Variants in NALCN observed in about 807,000 individuals in gnomAD.
NALCN encodes the protein sodium leak channel NALCN.
A neutral mutation model predicts 225.3 loss-of-function variants in NALCN; 111 were observed. That is an observed-to-expected ratio of 0.49 (90% CI 0.42 to 0.58). NALCN has a LOEUF of 0.58. NALCN is among the 20% of genes least tolerant of loss of function. NALCN has a pLI of 0.00. For synonymous variants in NALCN, 764 were observed against 769.0 expected (o/e 0.99, Z 0.11); for missense variants, 1,378 against 2,202.4 (o/e 0.63, Z 7.49).
rs144539098 is a variant in NALCN at position 101,294,115 on chromosome 13, A to G, written c.800-1749T>C. Reference sequence around the variant, plus strand: ...AAGGTGGAAAGTGGTAGAACCAGAAATTGAACCCATATCATCAGGTCAAAA... The same window carrying G: ...AAGGTGGAAAGTGGTAGAACCAGAAGTTGAACCCATATCATCAGGTCAAAA... On this transcript the variant is annotated intron_variant, in intron 7 of 43. Transcript: ENST00000251127. Among the ~76,000 whole-genome samples the G allele has an allele frequency of 1.9e-3, 283 of 152,304 alleles. 2 individuals are homozygous for G. Among genetic ancestry groups the G allele is most frequent in the African/African-American group, 5.9e-3 (246 of 41,568 alleles).
intron 43 of NALCN, 88 bp from the exon 44 acceptor site, chr13:101,055,576 G>T: frequency 1.7e-6 from 2 of 1,179,910 alleles, no homozygotes; most frequent in South Asian, 1.6e-5. Context: ...TCCCATCAGT[G>T]ATACTTTTGG....
chr13:101,186,285 T>C (rs1427871567), intron 14 of NALCN, among the ~76,000 whole-genome samples: 4 of 152,248 alleles, frequency 2.6e-5, no homozygotes, highest in Non-Finnish European at 5.9e-5. Flanking sequence ...TGTTTGTTGG[T>C]TAGCCTGTCT....
intron 11 of NALCN, among the ~76,000 whole-genome samples, chr13:101,253,954 A>G (rs915426208): frequency 1.3e-5 from 2 of 152,272 alleles, no homozygotes; most frequent in Non-Finnish European, 2.9e-5. Flanking sequence ...AAGTTTAATT[A>G]AAGTGACTTT....
intron 11 of NALCN, among the ~76,000 whole-genome samples, chr13:101,245,943 G>T (rs576701342): frequency 6.6e-6 from 1 of 152,256 alleles, no homozygotes; most frequent in African/African-American, 2.4e-5. Flanking sequence ...TTTACATGGG[G>T]TGAACACCAA....
At chr13:101,172,228 AGCCCATGCCTGCCCTCAG>A (rs2038758418) in intron 15 of NALCN, among the ~76,000 whole-genome samples, 1 of 152,050 alleles carries the variant, frequency 6.6e-6, no homozygotes, top group African/African-American at 2.4e-5. Context: ...TCCATCATGC[AGCCCATGCCTGCCCTCAG>A]GGAGCTTCTG....
intron 1 of NALCN, among the ~76,000 whole-genome samples, chr13:101,405,840 C>G (rs370759247): frequency 6.6e-6 from 1 of 152,200 alleles, no homozygotes; most frequent in East Asian, 1.9e-4. Context: ...CTCACACACA[C>G]TTGCACACAC....
In NALCN at chr13:101,245,771, A is replaced by G. The variant is rs1000684691; in HGVS notation, c.1267-7849T>C. On this transcript the variant is annotated intron_variant, in intron 11 of 43. Coordinates refer to ENST00000251127, the MANE Select transcript of NALCN (RefSeq NM_052867.4). Reference sequence around the variant, plus strand: ...CCCTAACTTTCCATGCCTGAGTAGCAAAAGGACCAGGGGCTACTCCCTTTG... The same window carrying G: ...CCCTAACTTTCCATGCCTGAGTAGCGAAAGGACCAGGGGCTACTCCCTTTG... Among the ~76,000 whole-genome samples the G allele has an allele frequency of 2.0e-5, 3 of 152,300 alleles. No individual in the cohort carries two copies. In the East Asian group the frequency reaches 5.8e-4, roughly 29 times the overall value.
intron 14 of NALCN, among the ~76,000 whole-genome samples, chr13:101,191,044 C>G (rs1381952652): frequency 1.3e-5 from 2 of 152,008 alleles, no homozygotes; most frequent in Non-Finnish European, 2.9e-5. Context: ...ATCGGGTGTT[C>G]CAAAGATTAG....
intron 6 of NALCN, among the ~76,000 whole-genome samples, chr13:101,359,331 C>T (rs1029493766): frequency 1.3e-5 from 2 of 152,140 alleles, no homozygotes; most frequent in Non-Finnish European, 2.9e-5. Flanking sequence ...CCCTAGGGTG[C>T]TAAAGACTAC....
chr13:101,202,611 A>C (rs1271890964), intron 13 of NALCN, among the ~76,000 whole-genome samples: 1 of 152,080 alleles, frequency 6.6e-6, no homozygotes, highest in Non-Finnish European at 1.5e-5. Flanking sequence ...CTGATACTCC[A>C]TGGCTGCCCC....
At chr13:101,370,478 C>T (rs903480844) in intron 6 of NALCN, among the ~76,000 whole-genome samples, 4 of 152,162 alleles carry the variant, frequency 2.6e-5, no homozygotes. Context: ...GTCTTGAGCC[C>T]ATGTAAAGCT....
At chr13:101,187,936 G>A (rs2039516011) in intron 14 of NALCN, among the ~76,000 whole-genome samples, 2 of 152,134 alleles carry the variant, frequency 1.3e-5, no homozygotes, top group South Asian at 4.1e-4. Context: ...ACCATTTTTA[G>A]CTCACAGGTT....
chr13:101,079,804 T>A (rs1171965951), intron 34 of NALCN, among the ~76,000 whole-genome samples: 1 of 152,236 alleles, frequency 6.6e-6, no homozygotes, highest in African/African-American at 2.4e-5. Context: ...CTAGGCTTCA[T>A]ACAGCCCCTG....
chr13:101,407,658 T>C (rs1484805545), intron 1 of NALCN, among the ~76,000 whole-genome samples: 2 of 152,168 alleles, frequency 1.3e-5, no homozygotes, highest in Admixed American at 6.5e-5. Context: ...AGATTAAAAA[T>C]TGGAGGCAAA....
chr13:101,115,302 A>G (rs661836), intron 18 of NALCN, among the ~76,000 whole-genome samples: 6,238 of 152,226 alleles, frequency 0.041, 417 homozygotes, highest in African/African-American at 0.14. Flanking sequence ...AACTTCATAC[A>G]TCTTTCTCTA....
Position 101,397,097 on chromosome 13 carries a change from TATATATATATATAC to T in NALCN, c.109-1746_109-1733del, listed in dbSNP as rs1319832775. The stretch of plus-strand genomic sequence containing the variant: ...ATATATATATATATATATATATATA[TATATATATATATAC>T]ATACACATACATATATATAATGTGT... On this transcript the variant is annotated intron_variant, in intron 2 of 43. Coordinates refer to ENST00000251127, the MANE Select transcript of NALCN (RefSeq NM_052867.4). Among the ~76,000 whole-genome samples, 250 of 68,574 alleles carry T rather than the reference TATATATATATATAC, an allele frequency of 3.6e-3. 7 individuals are homozygous for T. Among genetic ancestry groups the T allele is most frequent in the African/African-American group, 0.011 (82 of 7,316 alleles). 45.0% of individuals were successfully genotyped at this position (68,574 alleles called of 152,430 possible).
intron 15 of NALCN, among the ~76,000 whole-genome samples, chr13:101,171,289 TATA>T (rs1286099969): frequency 6.7e-6 from 1 of 148,814 alleles, no homozygotes; most frequent in African/African-American, 2.4e-5. Flanking sequence ...TATTTATAAA[TATA>T]ATCTTTATAT....
At chr13:101,110,786 AC>A in intron 19 of NALCN, 98 bp from the exon 20 acceptor site, 1 of 1,172,914 alleles carries the variant, frequency 8.5e-7, no homozygotes, top group Non-Finnish European at 1.3e-6. Context: ...TTTTTCTGCT[AC>A]AACGCCACAA....
rs772918417 is a variant in NALCN, at chr13:101,354,211, C to T, written c.645-8791G>A. 1.3e-4 allele frequency among the ~76,000 whole-genome samples: 20 copies of T among 152,220 alleles called. 1 individual carries two copies. The highest frequency in any genetic ancestry group is 3.3e-4 in the Admixed American group (5 of 15,284). ...TACAAAAATTAGCCAGGTTTGGTAG[C>T]GTATGCCTGTAATCCCAGCTACTTG... is the stretch of plus-strand genomic sequence containing the variant. On this transcript the variant is annotated intron_variant, in intron 6 of 43. Transcript: ENST00000251127.
Sources: allele counts gnomAD v4.1 joint callset (sites outside exome capture counted in the v4.1 genomes callset), GRCh38; gene constraint gnomAD v4.1.1; transcripts MANE v1.5; gene names NCBI Gene and HGNC (gene_info 2026-07-23, HGNC 2026-07-21).